Variants in TRPM7 observed in about 807,000 individuals in gnomAD.
TRPM7 encodes the protein LTRPC ion channel family member 7.
A neutral mutation model predicts 229.7 loss-of-function variants in TRPM7; 134 were observed. The observed-to-expected ratio is 0.58, with a 90% CI of 0.51 to 0.67. The LOEUF is 0.67. TRPM7 is among the 30% of genes least tolerant of loss of function. TRPM7 has a pLI of 0.00. For missense variants in TRPM7, 1,901 were observed against 2,210.0 expected, an observed-to-expected ratio of 0.86 and a Z score of 2.80; for synonymous variants, 699 against 715.2, an observed-to-expected ratio of 0.98 and a Z score of 0.36.
In TRPM7 at chr15:50,686,535, C is replaced by A; in HGVS notation, c.-2G>T. On this transcript the variant is annotated 5_prime_UTR_variant, in exon 1 of 39. Transcript: ENST00000646667. ...GGGCCTGCGTGGGTCCAGTACCATT[C>A]TCCTCACGGGGCGGACTCCGGAAGG... is the stretch of plus-strand genomic sequence containing the variant. The A allele has an allele frequency of 6.2e-7, 1 of 1,611,888 alleles. No individual in the cohort carries two copies. Among genetic ancestry groups the A allele is most frequent in the African/African-American group, 1.3e-5 (1 of 74,862 alleles).
rs1025874120 is a variant in TRPM7, at chr15:50,686,795, GA to G, written c.-263del. On this transcript the variant is annotated 5_prime_UTR_variant, in exon 1 of 39. Coordinates refer to ENST00000646667, the MANE Select transcript of TRPM7 (RefSeq NM_017672.6). ...CGCCTCCGCCGGCGACGGGGCTGGG[GA>G]CGGACCACGTGAGCGGCGCGGCGCG... is the stretch of plus-strand genomic sequence containing the variant. The G allele has an allele frequency of 3.6e-5, 13 of 359,456 alleles. No homozygotes were observed. The highest frequency in any genetic ancestry group is 5.9e-5 in the Non-Finnish European group (12 of 202,636). 22.3% of individuals were successfully genotyped at this position (359,456 alleles called of 1,614,324 possible).
chr15:50,586,266 C>T (rs2059340235), intron 28 of TRPM7, 126 bp downstream of exon 28: 3 of 571,288 alleles, frequency 5.3e-6, no homozygotes, highest in African/African-American at 3.8e-5. Context: ...GTCACTATGG[C>T]AGATCAGAAT....
intron 5 of TRPM7, 82 bp downstream of exon 5, chr15:50,643,258 C>A: frequency 8.5e-7 from 1 of 1,183,132 alleles, no homozygotes; most frequent in Non-Finnish European, 1.2e-6. Context: ...CATTGCACTC[C>A]AGCCTGGCAA....
At chr15:50,585,223 G>C (rs961987980) in intron 28 of TRPM7, among the ~76,000 whole-genome samples, 1 of 151,950 alleles carries the variant, frequency 6.6e-6, no homozygotes, top group East Asian at 1.9e-4. Flanking sequence ...CACCGCGCCC[G>C]GCTAATTTTT....
chr15:50,650,452 T>C (rs1419821404), intron 3 of TRPM7, among the ~76,000 whole-genome samples: 2 of 151,944 alleles, frequency 1.3e-5, no homozygotes, highest in African/African-American at 4.8e-5. Context: ...CCCAGCACCT[T>C]GGGAAGCCAA....
At chr15:50,683,577 T>C (rs1322522124) in intron 1 of TRPM7, among the ~76,000 whole-genome samples, 1 of 151,762 alleles carries the variant, frequency 6.6e-6, no homozygotes, top group African/African-American at 2.4e-5. Flanking sequence ...CTACTAAAAA[T>C]ACAAAAATTA....
intron 6 of TRPM7, among the ~76,000 whole-genome samples, chr15:50,638,219 C>T (rs1341235929): frequency 3.3e-5 from 5 of 150,702 alleles, no homozygotes; most frequent in African/African-American, 9.8e-5. Context: ...ATTAGCCGGG[C>T]GTGGTAGCGG....
chr15:50,600,592 G>A (rs1016915972), intron 21 of TRPM7, among the ~76,000 whole-genome samples: 3 of 152,108 alleles, frequency 2.0e-5, no homozygotes, highest in Admixed American at 2.0e-4. Context: ...TTAACCTACT[G>A]TAAACTTAAA....
Position 50,686,720 on chromosome 15 carries a change from T to C in TRPM7, c.-187A>G. 1.4e-6 allele frequency: 1 copy of C among 728,146 alleles called. No individual in the cohort carries two copies. The highest frequency in any genetic ancestry group is 2.0e-5 in the South Asian group (1 of 49,626). 45.1% of individuals were successfully genotyped at this position (728,146 alleles called of 1,614,324 possible). On this transcript the variant is annotated 5_prime_UTR_variant, in exon 1 of 39. Transcript: ENST00000646667. ...GCAGCAGAAGCCGAGTCTTTCATAA[T>C]TGTGCGACCAACTCCTCCGGGTGAC...
intron 27 of TRPM7, among the ~76,000 whole-genome samples, chr15:50,587,373 C>A (rs549204226): frequency 2.7e-4 from 40 of 149,224 alleles, no homozygotes; most frequent in Admixed American, 1.4e-3. Context: ...GTTTGGAAAG[C>A]CCTGAAGGCT....
At chr15:50,617,127 CAAAA>C (rs1233426315) in intron 13 of TRPM7, among the ~76,000 whole-genome samples, 47 of 135,384 alleles carry the variant, frequency 3.5e-4, no homozygotes, top group East Asian at 2.4e-3. Context: ...CCATCTCTAC[CAAAA>C]AAATAAATAA....
At chr15:50,684,826 A>T (rs1413891561) in intron 1 of TRPM7, among the ~76,000 whole-genome samples, 3 of 152,204 alleles carry the variant, frequency 2.0e-5, no homozygotes, top group Non-Finnish European at 4.4e-5. Flanking sequence ...AGACTGAAAG[A>T]GTTACCGACC....
intron 3 of TRPM7, among the ~76,000 whole-genome samples, chr15:50,650,613 T>C (rs1195890047): frequency 1.3e-5 from 2 of 151,946 alleles, no homozygotes; most frequent in Non-Finnish European, 2.9e-5. Context: ...GAGAATCGCT[T>C]GAACCTGGGA....
intron 12 of TRPM7, among the ~76,000 whole-genome samples, chr15:50,620,601 A>G (rs2060366480): frequency 6.6e-6 from 1 of 152,210 alleles, no homozygotes; most frequent in Non-Finnish European, 1.5e-5. Context: ...CATATGAATC[A>G]TATTTTACTT....
chr15:50,631,321 T>A (rs2060723426), intron 10 of TRPM7, 96 bp downstream of exon 10: 1 of 552,880 alleles, frequency 1.8e-6, no homozygotes, highest in Admixed American at 3.5e-5. Context: ...GTAAAAGGTT[T>A]TATATTTTAT....
At chr15:50,572,172 C>A (rs2053922264) in intron 36 of TRPM7, among the ~76,000 whole-genome samples, 2 of 152,154 alleles carry the variant, frequency 1.3e-5, no homozygotes, top group South Asian at 4.1e-4. Context: ...GTAGTCCCAG[C>A]TATGCAGGAG....
chr15:50,638,736 A>C (rs1374948687), intron 6 of TRPM7, among the ~76,000 whole-genome samples: 2 of 139,452 alleles, frequency 1.4e-5, no homozygotes, highest in East Asian at 4.5e-4. Flanking sequence ...CCTAGGCTGG[A>C]ATGCAGTGGC....
At chr15:50,609,467 T>A in intron 19 of TRPM7, 114 bp downstream of exon 19, 1 of 1,024,294 alleles carries the variant, frequency 9.8e-7, no homozygotes, top group Non-Finnish European at 1.4e-6. Flanking sequence ...CTTTTAAATG[T>A]GAAATGCCTT....
chr15:50,678,014 C>T (rs954844069), intron 1 of TRPM7, among the ~76,000 whole-genome samples: 14 of 151,426 alleles, frequency 9.2e-5, no homozygotes, highest in Non-Finnish European at 2.1e-4. Flanking sequence ...CCGAGGCGGG[C>T]GGATCACGAG....
Sources: gnomAD v4.1 joint callset for allele counts (sites outside exome capture counted in the v4.1 genomes callset) on GRCh38, gnomAD v4.1.1 for gene constraint, MANE v1.5 for transcripts, NCBI Gene and HGNC (gene_info 2026-07-23, HGNC 2026-07-21) for gene names.